SMAD1: variants seen among roughly 807,000 people sequenced by gnomAD.
SMAD1 encodes the protein MAD, mothers against decapentaplegic homolog 1.
In SMAD1, 6 loss-of-function variants were observed where a neutral mutation model predicts 41.6. The observed-to-expected ratio is 0.14, with a 90% CI of 0.08 to 0.28. SMAD1 has a LOEUF of 0.28. Ranked by LOEUF, SMAD1 falls within the 10% of genes least tolerant of loss-of-function variation. SMAD1 has a pLI of 1.00. For synonymous variants in SMAD1, 206 were observed against 203.2 expected (o/e 1.01, Z -0.12); for missense variants, 379 against 582.6 (o/e 0.65, Z 3.60).
intron 3 of SMAD1, among the ~76,000 whole-genome samples, chr4:145,540,789 T>G (rs1315231423): frequency 2.7e-5 from 4 of 149,004 alleles, no homozygotes; most frequent in Non-Finnish European, 5.9e-5. Context: ...TTAAGAAAGA[T>G]ACCCTAAACA....
intron 4 of SMAD1, among the ~76,000 whole-genome samples, chr4:145,543,050 T>G (rs889635068): frequency 5.3e-5 from 8 of 152,060 alleles, no homozygotes; most frequent in Admixed American, 1.3e-4. Flanking sequence ...CACTGCAACC[T>G]CCACCTCCCA....
At chr4:145,554,438 A>T (rs762248501) in intron 6 of SMAD1, among the ~76,000 whole-genome samples, 5 of 151,998 alleles carry the variant, frequency 3.3e-5, no homozygotes, top group Admixed American at 6.6e-5. Context: ...TATGATGGTA[A>T]TGCTTGTTTT....
chr4:145,558,449 T>G lies in SMAD1; in HGVS notation c.*515T>G, dbSNP rs1360721734. On this transcript the variant is annotated 3_prime_UTR_variant, in exon 7 of 7. Coordinates refer to ENST00000302085, the MANE Select transcript of SMAD1 (RefSeq NM_005900.3). ...TCGTTTAAGTAAAGGTTAATCTTGA[T>G]GATATACATAATAATCTTTCTAAAA... Among the ~76,000 whole-genome samples the G allele has an allele frequency of 6.6e-6, 1 of 152,222 alleles. No individual in the cohort carries two copies. Among genetic ancestry groups the G allele is most frequent in the South Asian group, 2.1e-4 (1 of 4,834 alleles).
At chr4:145,536,705 A>T (rs542089626) in intron 2 of SMAD1, among the ~76,000 whole-genome samples, 1 of 152,348 alleles carries the variant, frequency 6.6e-6, no homozygotes, top group Admixed American at 6.5e-5. Flanking sequence ...AGCAAAATGG[A>T]TGCTAAATAT....
chr4:145,498,090 C>T (rs1054442805), intron 1 of SMAD1: 12 of 152,112 alleles, frequency 7.9e-5, no homozygotes, highest in Admixed American at 7.9e-4. Context: ...AGGACAGGAC[C>T]AAATTGCTTG....
rs78475396 is a variant in SMAD1 at position 145,523,285 on chromosome 4, A to G, written c.400+8272A>G. ...CGACTAACTCTTACACACTGGATAG[A>G]GGCTGCAGCTAACTCTTACACACCC... On this transcript the variant is annotated intron_variant, in intron 2 of 6. Transcript: ENST00000302085. Among the ~76,000 whole-genome samples, 159 of 152,300 alleles carry G rather than the reference A, an allele frequency of 1.0e-3. 1 individual carries two copies. The East Asian group carries it at 0.021, about 20-fold the overall frequency.
At chr4:145,524,165 T>C (rs970233960) in intron 2 of SMAD1, among the ~76,000 whole-genome samples, 4 of 152,222 alleles carry the variant, frequency 2.6e-5, no homozygotes, top group Non-Finnish European at 5.9e-5. Flanking sequence ...TCCAGGATTT[T>C]ATCATTGGCA....
intron 1 of SMAD1, among the ~76,000 whole-genome samples, chr4:145,492,055 A>C (rs1281113745): frequency 2.0e-5 from 3 of 152,202 alleles, no homozygotes. Flanking sequence ...AATTTTACAA[A>C]TTTTTTTAAA....
chr4:145,488,528 A>G (rs1242792434), intron 1 of SMAD1, among the ~76,000 whole-genome samples: 1 of 151,368 alleles, frequency 6.6e-6, no homozygotes, highest in Non-Finnish European at 1.5e-5. Context: ...GTGCTTATGC[A>G]AAGTAGAAGT....
intron 2 of SMAD1, among the ~76,000 whole-genome samples, chr4:145,523,656 G>A (rs1730876657): frequency 6.6e-6 from 1 of 152,102 alleles, no homozygotes; most frequent in African/African-American, 2.4e-5. Flanking sequence ...TGGTGTAGGG[G>A]AGAGGTGTAT....
At chr4:145,556,569 G>C (rs1732849672) in intron 6 of SMAD1, among the ~76,000 whole-genome samples, 2 of 151,944 alleles carry the variant, frequency 1.3e-5, no homozygotes, top group East Asian at 3.9e-4. Flanking sequence ...CAATTCTCCT[G>C]CCTCAGCCTC....
At chr4:145,530,892 G>C (rs956055412) in intron 2 of SMAD1, among the ~76,000 whole-genome samples, 14 of 152,200 alleles carry the variant, frequency 9.2e-5, no homozygotes, top group Admixed American at 4.6e-4. Context: ...CCTTGCATGG[G>C]TTACTTAGCT....
chr4:145,513,046 G>T (rs7655568), intron 1 of SMAD1, among the ~76,000 whole-genome samples: 1 of 152,054 alleles, frequency 6.6e-6, no homozygotes, highest in Non-Finnish European at 1.5e-5. Context: ...AACTCCATTT[G>T]TTGCTGTGTT....
chr4:145,484,510 C>A (rs1362794785), intron 1 of SMAD1: 1 of 152,192 alleles, frequency 6.6e-6, no homozygotes, highest in African/African-American at 2.4e-5. Context: ...AGGAGTCTGG[C>A]GTTATACTTC....
chr4:145,495,257 C>G (rs544409838), intron 1 of SMAD1, among the ~76,000 whole-genome samples: 102 of 152,228 alleles, frequency 6.7e-4, no homozygotes, highest in African/African-American at 2.4e-3. Context: ...GATGGGGTAA[C>G]TGAAGTGGTA....
chr4:145,545,089 T>C (rs1216343921), intron 4 of SMAD1: 1 of 152,184 alleles, frequency 6.6e-6, no homozygotes, highest in Admixed American at 6.5e-5. Flanking sequence ...TTTGGTGATT[T>C]TCCTAGAGCA....
At chr4:145,509,855 C>T (rs560144163) in intron 1 of SMAD1, among the ~76,000 whole-genome samples, 5 of 152,202 alleles carry the variant, frequency 3.3e-5, no homozygotes, top group South Asian at 2.1e-4. Flanking sequence ...AGGAAAACAG[C>T]GGACACCCTG....
chr4:145,485,652 A>G (rs1371133704), intron 1 of SMAD1, among the ~76,000 whole-genome samples: 5 of 152,232 alleles, frequency 3.3e-5, no homozygotes, highest in Admixed American at 3.3e-4. Flanking sequence ...GTTCTTTTTA[A>G]AATAAAACAC....
In SMAD1 at chr4:145,558,255, G is replaced by A. The variant is rs755808077; in HGVS notation, c.*321G>A. Among the ~76,000 whole-genome samples, 5 of 152,094 alleles carry A rather than the reference G, an allele frequency of 3.3e-5. No individual in the cohort carries two copies. Among genetic ancestry groups the A allele is most frequent in the Non-Finnish European group, 7.4e-5 (5 of 68,006 alleles). ...AGGGACAAATTGTCTATTAGAAAACGGTCCTAAGAGATTCTTTGGTGTTTG... is the reference window on the plus strand; with the variant it reads ...AGGGACAAATTGTCTATTAGAAAACAGTCCTAAGAGATTCTTTGGTGTTTG... On this transcript the variant is annotated 3_prime_UTR_variant, in exon 7 of 7. Transcript: ENST00000302085.
Sources: allele counts gnomAD v4.1 joint callset (sites outside exome capture counted in the v4.1 genomes callset), GRCh38; gene constraint gnomAD v4.1.1; transcripts MANE v1.5; gene names NCBI Gene and HGNC (gene_info 2026-07-23, HGNC 2026-07-21).